The following CLN6 variants were observed in gnomAD, a reference collection of about 807,000 sequenced individuals.
CLN6 encodes CLN6 transmembrane ER protein.
Under a neutral mutation model 33.3 loss-of-function variants are expected in CLN6, and 22 were observed. That is an observed-to-expected ratio of 0.66 (90% CI 0.47 to 0.94). The LOEUF is 0.94. Among genes scored for constraint, CLN6 ranks in the 40% least tolerant of loss-of-function variants. The pLI is 0.00. For missense variants in CLN6, 387 were observed against 417.1 expected, an observed-to-expected ratio of 0.93 and a Z score of 0.63; for synonymous variants, 201 against 174.6, an observed-to-expected ratio of 1.15 and a Z score of -1.19.
intron 1 of CLN6, among the ~76,000 whole-genome samples, chr15:68,235,587 A>AATAAATAAATAAATAAATATAT (rs1862434089): frequency 1.1e-5 from 1 of 95,106 alleles, no homozygotes; most frequent in African/African-American, 4.6e-5. Flanking sequence ...AATAAAAATA[A>AATAAATAAATAAATAAATATAT]ATATATATAT....
chr15:68,251,726 C>A (rs766682230), intron 1 of CLN6, among the ~76,000 whole-genome samples: 1 of 151,958 alleles, frequency 6.6e-6, no homozygotes, highest in Non-Finnish European at 1.5e-5. Flanking sequence ...GCTATCACCC[C>A]TTCTAGTCAA....
At chr15:68,223,622 T>C (rs1453117722) in intron 1 of CLN6, among the ~76,000 whole-genome samples, 6 of 152,068 alleles carry the variant, frequency 3.9e-5, no homozygotes, top group Admixed American at 3.9e-4. Flanking sequence ...GATGTGTGTA[T>C]CTGGAAGTTA....
Position 68,211,348 on chromosome 15 carries a change from G to A in CLN6, c.487-30C>T. ...GGGAGGAACGGGCAGGGCAGAGTCG[G>A]GGGATGTCGATGTCAGTCCAGGGAG... is the stretch of plus-strand genomic sequence containing the variant. On this transcript the variant is annotated intron_variant, in intron 4 of 6. Coordinates refer to ENST00000249806, the MANE Select transcript of CLN6 (RefSeq NM_017882.3). This position sits in a 1 kb window ranked among gnomAD's most constrained non-coding sequence, Gnocchi z 5.9. 1 of 1,613,176 alleles carries A rather than the reference G, an allele frequency of 6.2e-7. No homozygotes were observed. The highest frequency in any genetic ancestry group is 8.5e-7 in the Non-Finnish European group (1 of 1,179,426).
chr15:68,222,334 G>A (rs1198376134), intron 1 of CLN6, among the ~76,000 whole-genome samples: 9 of 124,580 alleles, frequency 7.2e-5, no homozygotes, highest in African/African-American at 2.2e-4. Context: ...GCTGCCCATC[G>A]TCTGTCTGGG....
chr15:68,214,511 C>T lies in CLN6; in HGVS notation c.199-123G>A, dbSNP rs1595819725. The T allele has an allele frequency of 6.8e-5, 48 of 702,918 alleles. No individual in the cohort carries two copies. The East Asian group carries it at 1.3e-3, about 19-fold the overall frequency. 43.5% of individuals were successfully genotyped at this position (702,918 alleles called of 1,614,324 possible). The stretch of plus-strand genomic sequence containing the variant: ...CTTTCACCCCCCACCCCATCATGTA[C>T]ACTTAATTCTTCCTGTGATCGCTGG... On this transcript the variant is annotated intron_variant, in intron 2 of 6. Transcript: ENST00000249806.
chr15:68,252,724 T>C (rs970376508), intron 1 of CLN6, among the ~76,000 whole-genome samples: 2 of 152,218 alleles, frequency 1.3e-5, no homozygotes, highest in Non-Finnish European at 2.9e-5. Flanking sequence ...GTGCATGTAC[T>C]ATAGCTACAC....
intron 1 of CLN6, among the ~76,000 whole-genome samples, chr15:68,223,761 G>C (rs946114203): frequency 3.9e-5 from 6 of 151,936 alleles, no homozygotes; most frequent in Non-Finnish European, 8.8e-5. Context: ...AAAAAAAGAG[G>C]GGGGCTGGGC....
Position 68,208,358 on chromosome 15 carries a change from C to A in CLN6, c.718G>T (p.Ala240Ser), listed in dbSNP as rs779105796. The A allele has an allele frequency of 1.2e-6, 2 of 1,613,780 alleles. No homozygotes were observed. Among genetic ancestry groups the A allele is most frequent in the South Asian group, 2.2e-5 (2 of 91,092 alleles). ...IFILFIFTFF[A>S]MLALVLHQKR... ...TGGTGCAGGACGAGGGCCAGCATGG[C>A]GAAGAAGGTGAAGATGAAGAGGATG... Residue 240 changes from alanine (A) to serine (S), a missense_variant, in exon 7 of 7, where the codon GCC becomes TCC. Transcript: ENST00000249806. The surrounding 1 kb of genome is among the most constrained non-coding windows in gnomAD (Gnocchi z 5.8).
chr15:68,222,371 C>A (rs1427955042), intron 1 of CLN6, among the ~76,000 whole-genome samples: 3 of 148,798 alleles, frequency 2.0e-5, no homozygotes, highest in Non-Finnish European at 4.4e-5. Flanking sequence ...TGCCCGGCCG[C>A]CCCGTCTGGG....
At chr15:68,231,771 A>G (rs933773443), upstream of CLN6, among the ~76,000 whole-genome samples, 1 of 152,242 alleles carries the variant, frequency 6.6e-6, no homozygotes, top group African/African-American at 2.4e-5. Flanking sequence ...GGGGAGTCCA[A>G]CCTGGCAGGG....
intron 1 of CLN6, among the ~76,000 whole-genome samples, chr15:68,239,518 AG>A (rs1287353201): frequency 2.0e-5 from 3 of 152,140 alleles, no homozygotes; most frequent in African/African-American, 7.2e-5. Flanking sequence ...GAGATAAATA[AG>A]GACTTTATAC....
In CLN6 at chr15:68,247,049, G is replaced by A. The variant is rs962650725; in HGVS notation, c.179+9641C>T. On this transcript the variant is annotated intron_variant, in intron 1 of 6. Coordinates refer to the CLN6 transcript ENST00000538696. The surrounding 1 kb of genome is among the most constrained non-coding windows in gnomAD (Gnocchi z 4.2). ...TGCATGCCTGTAATCCCAGATACTC[G>A]GGAGGCTGAGGCAGGAGAATTGCTT... 3.9e-5 allele frequency among the ~76,000 whole-genome samples: 6 copies of A among 152,106 alleles called. No individual in the cohort carries two copies. Among genetic ancestry groups the A allele is most frequent in the Non-Finnish European group, 5.9e-5 (4 of 67,994 alleles).
At chr15:68,238,122 C>CA (rs969211629) in intron 1 of CLN6, among the ~76,000 whole-genome samples, 12 of 136,588 alleles carry the variant, frequency 8.8e-5, no homozygotes, top group South Asian at 2.3e-4. Context: ...GACTCTGTCT[C>CA]AAAAAAAAAG....
upstream of CLN6, among the ~76,000 whole-genome samples, chr15:68,233,396 C>T (rs745932640): frequency 2.6e-5 from 4 of 152,126 alleles, no homozygotes; most frequent in Non-Finnish European, 5.9e-5. This position sits in a 1 kb window ranked among gnomAD's most constrained non-coding sequence, Gnocchi z 4.3. Context: ...GGCCAAGTCA[C>T]CTCCAAAGGG....
In CLN6 at chr15:68,220,298, T is replaced by C. The variant is rs530489193; in HGVS notation, c.84-1648A>G. Reference sequence around the variant, plus strand: ...CACTATCTCATCTAATCCACGCATCTGCTTTACAGATGAGGATACTGAGGC... The same window carrying C: ...CACTATCTCATCTAATCCACGCATCCGCTTTACAGATGAGGATACTGAGGC... On this transcript the variant is annotated intron_variant, in intron 1 of 6. Transcript: ENST00000249806. The surrounding 1 kb of genome is among the most constrained non-coding windows in gnomAD (Gnocchi z 4.2). Among the ~76,000 whole-genome samples, 121 of 152,374 alleles carry C rather than the reference T, an allele frequency of 7.9e-4. No individual in the cohort carries two copies. Among genetic ancestry groups the C allele is most frequent in the African/African-American group, 2.8e-3 (118 of 41,604 alleles).
At position 68,211,294 on chromosome 15, in the gene CLN6, A is replaced by G; in HGVS notation, c.511T>C (p.Tyr171His). 6.2e-7 allele frequency: 1 copy of G among 1,614,012 alleles called. No individual in the cohort carries two copies. The highest frequency in any genetic ancestry group is 8.5e-7 in the Non-Finnish European group (1 of 1,179,996). ...TLIDSFELLY[Y>H]YDEYLGHCMW... ...CAGTGACCCAGGTACTCATCATAAT[A>G]GTAGAGCAGCTCAAAGGAGTCGATC... The change falls in exon 5 of 7, where the codon TAT becomes CAT. Residue 171 changes from tyrosine to histidine, a missense_variant. Tyr to His is a moderately conservative substitution (Grantham distance 83, BLOSUM62 2). Coordinates refer to ENST00000249806, the MANE Select transcript of CLN6 (RefSeq NM_017882.3). This position sits in a 1 kb window ranked among gnomAD's most constrained non-coding sequence, Gnocchi z 5.9.
chr15:68,212,663 A>G (rs1349218219), intron 3 of CLN6: 1 of 152,556 alleles, frequency 6.6e-6, no homozygotes, highest in Non-Finnish European at 1.5e-5. Flanking sequence ...GGTGTGCACC[A>G]TTATGCCCAG....
rs542167888 is a variant in CLN6 at position 68,210,566 on chromosome 15, T to A, written c.542+697A>T. Among the ~76,000 whole-genome samples, 3 of 152,258 alleles carry A rather than the reference T, an allele frequency of 2.0e-5. No homozygotes were observed. The South Asian group carries it at 6.2e-4, about 32-fold the overall frequency. Reference sequence around the variant, plus strand: ...AGTGAGCCGGGTCCAGGGCTGGCCCTCACCTCCCAGCTGCAGCCTTCGGAG... The same window carrying A: ...AGTGAGCCGGGTCCAGGGCTGGCCCACACCTCCCAGCTGCAGCCTTCGGAG... On this transcript the variant is annotated intron_variant, in intron 5 of 6. Coordinates refer to ENST00000249806, the MANE Select transcript of CLN6 (RefSeq NM_017882.3). This position sits in a 1 kb window ranked among gnomAD's most constrained non-coding sequence, Gnocchi z 5.6.
In CLN6 at chr15:68,228,636, C is replaced by T. The variant is rs576658023; in HGVS notation, c.83+866G>A. On this transcript the variant is annotated intron_variant, in intron 1 of 6. Transcript: ENST00000249806. This position sits in a 1 kb window ranked among gnomAD's most constrained non-coding sequence, Gnocchi z 4.4. ...TGTTTCCCTGGATGGAACAGCCTGTCTTCCCTGGGTCCCCTACCAAGTCCT... is the reference window on the plus strand; with the variant it reads ...TGTTTCCCTGGATGGAACAGCCTGTTTTCCCTGGGTCCCCTACCAAGTCCT... Among the ~76,000 whole-genome samples the T allele has an allele frequency of 3.9e-5, 6 of 152,258 alleles. No homozygotes were observed. The East Asian group carries it at 7.7e-4, about 20-fold the overall frequency.
Sources: allele counts gnomAD v4.1 joint callset (sites outside exome capture counted in the v4.1 genomes callset), GRCh38; gene constraint gnomAD v4.1.1; non-coding constraint Gnocchi (gnomAD v3.1); transcripts MANE v1.5; gene names NCBI Gene and HGNC (gene_info 2026-07-23, HGNC 2026-07-21).